The following MECOM variants were observed in gnomAD, a reference collection of about 807,000 sequenced individuals.
MECOM encodes the protein MDS1 and EVI1 complex locus.
MECOM carries 13 observed loss-of-function variants against 116.3 expected under a neutral mutation model. The ratio of observed to expected loss-of-function variants is 0.11; its 90% CI spans 0.07 to 0.18. MECOM has a LOEUF of 0.18. Ranked by LOEUF, MECOM falls within the 10% of genes least tolerant of loss-of-function variation. The pLI is 1.00. For missense variants in MECOM, 1,299 were observed against 1,509.0 expected (o/e 0.86, Z 2.31); for synonymous variants, 528 against 535.2 (o/e 0.99, Z 0.19).
At chr3:169,194,312 T>A (rs1748115485) in intron 2 of MECOM, among the ~76,000 whole-genome samples, 1 of 151,794 alleles carries the variant, frequency 6.6e-6, no homozygotes, top group Non-Finnish European at 1.5e-5. Flanking sequence ...CGGGGCCCGT[T>A]GTGGGGTGGG....
chr3:169,559,688 A>G (rs1241319196), intron 1 of MECOM, among the ~76,000 whole-genome samples: 1 of 152,202 alleles, frequency 6.6e-6, no homozygotes, highest in Non-Finnish European at 1.5e-5. Context: ...CTCATTTTAT[A>G]GACTAGGAAT....
intron 1 of MECOM, among the ~76,000 whole-genome samples, chr3:169,388,878 T>G (rs890747609): frequency 6.6e-6 from 1 of 152,200 alleles, no homozygotes. Flanking sequence ...CATGTCTTCC[T>G]TATGGAACTT....
intron 8 of MECOM, 117 bp from the exon 9 acceptor site, chr3:169,112,991 A>G: frequency 1.5e-6 from 1 of 680,128 alleles, no homozygotes; most frequent in African/African-American, 1.8e-5. Context: ...TGGGAAGCGC[A>G]CTCATAAAAC....
chr3:169,097,817 T>TAAAAAAAAAGAAA (rs1722147449), intron 12 of MECOM, among the ~76,000 whole-genome samples: 1 of 87,194 alleles, frequency 1.1e-5, no homozygotes, highest in Non-Finnish European at 2.2e-5. Context: ...ACTGTCTATA[T>TAAAAAAAAAGAAA]AAAAAAAAAA....
intron 1 of MECOM, among the ~76,000 whole-genome samples, chr3:169,536,944 G>T (rs1294504400): frequency 6.6e-6 from 1 of 152,044 alleles, no homozygotes; most frequent in Non-Finnish European, 1.5e-5. Context: ...TATAGATGGG[G>T]AAACTGCAGC....
chr3:169,248,341 CA>C (rs1229042655), intron 2 of MECOM, among the ~76,000 whole-genome samples: 2 of 152,174 alleles, frequency 1.3e-5, no homozygotes, highest in East Asian at 3.9e-4. Flanking sequence ...CCTCCTAAAG[CA>C]AAGCTCAACT....
At chr3:169,413,245 G>T (rs543927316) in intron 1 of MECOM, among the ~76,000 whole-genome samples, 1 of 152,198 alleles carries the variant, frequency 6.6e-6, no homozygotes, top group Non-Finnish European at 1.5e-5. Context: ...CCTGCAAAGC[G>T]CAAGGGGTTG....
chr3:169,084,726 GAATA>G lies in MECOM; in HGVS notation c.*179_*182del, dbSNP rs1717093025. The stretch of plus-strand genomic sequence containing the variant: ...TTTGCTGTGCAAAACAAAATATCGA[GAATA>G]AATAGTTTCTTTTTTCTTTCTTTTC... On this transcript the variant is annotated 3_prime_UTR_variant, in exon 17 of 17. Transcript: ENST00000651503. The G allele has an allele frequency of 1.6e-6, 1 of 630,828 alleles. No individual in the cohort carries two copies. Among genetic ancestry groups the G allele is most frequent in the African/African-American group, 1.8e-5 (1 of 54,136 alleles). 39.1% of individuals were successfully genotyped at this position (630,828 alleles called of 1,614,324 possible).
chr3:169,214,427 TAA>T (rs567724280), intron 2 of MECOM, among the ~76,000 whole-genome samples: 3 of 136,782 alleles, frequency 2.2e-5, no homozygotes, highest in East Asian at 2.1e-4. Context: ...CAGGAGTGTT[TAA>T]AAAAAAAAAA....
chr3:169,339,549 C>G (rs1196812020), intron 2 of MECOM, among the ~76,000 whole-genome samples: 2 of 152,202 alleles, frequency 1.3e-5, no homozygotes, highest in African/African-American at 4.8e-5. Flanking sequence ...CATCCCTGGA[C>G]TGTCATTGAG....
chr3:169,269,988 G>A (rs1400137485), intron 2 of MECOM, among the ~76,000 whole-genome samples: 6 of 151,838 alleles, frequency 4.0e-5, no homozygotes, highest in Non-Finnish European at 2.9e-5. Flanking sequence ...GTGTGTGTGT[G>A]TGTAGGTATT....
intron 2 of MECOM, among the ~76,000 whole-genome samples, chr3:169,246,187 A>G (rs950216319): frequency 2.0e-5 from 3 of 152,234 alleles, no homozygotes; most frequent in Non-Finnish European, 4.4e-5. Context: ...TATCAGATAA[A>G]CAAAACAGTG....
intron 1 of MECOM, among the ~76,000 whole-genome samples, chr3:169,493,635 G>A (rs1053422815): frequency 2.0e-5 from 3 of 152,050 alleles, no homozygotes; most frequent in African/African-American, 4.8e-5. Context: ...GGTAACTGAA[G>A]TTCCTCAGAT....
At chr3:169,143,569 G>T in intron 3 of MECOM, 129 bp downstream of exon 3, 1 of 784,040 alleles carries the variant, frequency 1.3e-6, no homozygotes, top group Non-Finnish European at 1.8e-6. Context: ...TTATATTTGT[G>T]CATTATCTTT....
chr3:169,299,537 A>G (rs987595405), intron 2 of MECOM, among the ~76,000 whole-genome samples: 1 of 152,146 alleles, frequency 6.6e-6, no homozygotes, highest in African/African-American at 2.4e-5. Flanking sequence ...CAAATCACTC[A>G]AGACCTTTCA....
intron 1 of MECOM, among the ~76,000 whole-genome samples, chr3:169,601,526 C>T (rs1257400987): frequency 2.6e-5 from 4 of 152,162 alleles, no homozygotes; most frequent in Non-Finnish European, 4.4e-5. Flanking sequence ...AAGGATGGTC[C>T]TGCGCCGCAG....
At chr3:169,123,313 G>A (rs987708804) in intron 5 of MECOM, among the ~76,000 whole-genome samples, 1 of 151,248 alleles carries the variant, frequency 6.6e-6, no homozygotes, top group Admixed American at 6.6e-5. Context: ...ATGTGTGTGT[G>A]TGTGTGTGTG....
chr3:169,373,816 C>T (rs572600439), intron 2 of MECOM, among the ~76,000 whole-genome samples: 2 of 152,084 alleles, frequency 1.3e-5, no homozygotes, highest in South Asian at 2.1e-4. Flanking sequence ...TGTCCATGGA[C>T]TACTTCAGCT....
At chr3:169,140,626 G>A (rs892716001) in intron 3 of MECOM, among the ~76,000 whole-genome samples, 1 of 151,568 alleles carries the variant, frequency 6.6e-6, no homozygotes, top group South Asian at 2.1e-4. Context: ...CACAAAACTT[G>A]AGTCTTTCTA....
Sources: gnomAD v4.1 joint callset for allele counts (sites outside exome capture counted in the v4.1 genomes callset) on GRCh38, gnomAD v4.1.1 for gene constraint, MANE v1.5 for transcripts, NCBI Gene and HGNC (gene_info 2026-07-23, HGNC 2026-07-21) for gene names.